Variants in ZFYVE9 observed in about 807,000 individuals in gnomAD.
ZFYVE9 encodes zinc finger FYVE-type containing 9.
ZFYVE9 carries 43 observed loss-of-function variants against 126.7 expected under a neutral mutation model. That is an observed-to-expected ratio of 0.34 (90% CI 0.27 to 0.44). The LOEUF is 0.44. Among genes scored for constraint, ZFYVE9 ranks in the 20% least tolerant of loss-of-function variants. The pLI, the probability that ZFYVE9 is intolerant of heterozygous loss-of-function variation, is 1.00. For synonymous variants in ZFYVE9, 521 were observed against 597.4 expected (o/e 0.87, Z 1.87); for missense variants, 1,476 against 1,697.0 (o/e 0.87, Z 2.29).
At chr1:52,307,241 T>C (rs1309584220) in intron 13 of ZFYVE9, among the ~76,000 whole-genome samples, 1 of 152,162 alleles carries the variant, frequency 6.6e-6, no homozygotes, top group Non-Finnish European at 1.5e-5. Context: ...TTTTTTTGTT[T>C]TGTTTTGTTT....
intron 4 of ZFYVE9, among the ~76,000 whole-genome samples, chr1:52,249,075 T>C (rs543459198): frequency 2.8e-4 from 43 of 152,314 alleles, no homozygotes; most frequent in African/African-American, 1.0e-3. Flanking sequence ...TTTGAAAGTA[T>C]GTGGCACTTT....
At chr1:52,146,864 A>G (rs1189156424) in intron 1 of ZFYVE9, among the ~76,000 whole-genome samples, 7 of 152,176 alleles carry the variant, frequency 4.6e-5, no homozygotes, top group Non-Finnish European at 1.0e-4. Context: ...AATTTATTTA[A>G]TAAAATAATT....
chr1:52,266,392 C>T lies in ZFYVE9; in HGVS notation c.2279-263C>T, dbSNP rs530269292. 2.6e-3 allele frequency among the ~76,000 whole-genome samples: 362 copies of T among 137,354 alleles called. 6 individuals carry two copies. Among genetic ancestry groups the T allele is most frequent in the South Asian group, 0.021 (92 of 4,306 alleles). The allele number at this position is 137,354 out of a possible 152,430, so 90.1% of individuals were successfully genotyped here. Reference sequence around the variant, plus strand: ...GATTAGAAGCATGAGCCACCACTCCCGGTCTAATTCTTTAAAAAAAAAAAA... The same window carrying T: ...GATTAGAAGCATGAGCCACCACTCCTGGTCTAATTCTTTAAAAAAAAAAAA... On this transcript the variant is annotated intron_variant, in intron 5 of 18. Coordinates refer to ENST00000287727, the MANE Select transcript of ZFYVE9 (RefSeq NM_004799.4).
At chr1:52,340,338 T>G (rs745557159) in intron 17 of ZFYVE9, 107 bp downstream of exon 17, 2 of 785,854 alleles carry the variant, frequency 2.5e-6, no homozygotes, top group Non-Finnish European at 4.2e-6. Flanking sequence ...AAAATATCTC[T>G]GAGAAAAATC....
intron 18 of ZFYVE9, 130 bp from the exon 19 acceptor site, chr1:52,345,930 G>A (rs890380527): frequency 7.7e-6 from 7 of 907,436 alleles, no homozygotes; most frequent in South Asian, 2.8e-5. Flanking sequence ...GGATAAATTT[G>A]TATTCACTGC....
Position 52,253,761 on chromosome 1 carries a change from T to C in ZFYVE9, c.2179-10012T>C. 3 of 1,607,970 alleles carry C rather than the reference T, an allele frequency of 1.9e-6. No individual in the cohort carries two copies. The South Asian group carries it at 3.3e-5, about 18-fold the overall frequency. ...GATTTGGAGTGGATCAGTTACGAGA[T>C]GACAATCTAGAAACTTATTGGCAAT... On this transcript the variant is annotated intron_variant, in intron 4 of 18. Transcript: ENST00000287727.
intron 13 of ZFYVE9, among the ~76,000 whole-genome samples, chr1:52,316,627 A>G (rs926243716): frequency 1.3e-5 from 2 of 152,210 alleles, no homozygotes; most frequent in African/African-American, 4.8e-5. Flanking sequence ...TTATAAAGGG[A>G]TCAATTTATC....
intron 13 of ZFYVE9, among the ~76,000 whole-genome samples, chr1:52,312,853 T>C (rs1646150844): frequency 6.6e-6 from 1 of 152,212 alleles, no homozygotes; most frequent in Non-Finnish European, 1.5e-5. Context: ...CTAAAGTTCA[T>C]ATATTGAAGT....
rs560515648 is a variant in ZFYVE9, at chr1:52,246,535, GT to G, written c.2178+6954del. The stretch of plus-strand genomic sequence containing the variant: ...TTTTTTATCCTGTTTTTTTTCCTGG[GT>G]TTTTTTTTTTTTTGAGACAAACTCT... On this transcript the variant is annotated intron_variant, in intron 4 of 18. Coordinates refer to ENST00000287727, the MANE Select transcript of ZFYVE9 (RefSeq NM_004799.4). 8.9e-3 allele frequency among the ~76,000 whole-genome samples: 1,215 copies of G among 136,532 alleles called. 13 individuals carry two copies. The highest frequency in any genetic ancestry group is 0.027 in the African/African-American group (1,018 of 37,450). 89.6% of individuals were successfully genotyped at this position (136,532 alleles called of 152,430 possible).
At chr1:52,261,390 T>C (rs1169009219) in intron 4 of ZFYVE9, among the ~76,000 whole-genome samples, 1 of 152,064 alleles carries the variant, frequency 6.6e-6, no homozygotes, top group African/African-American at 2.4e-5. Flanking sequence ...GGTGTACTCC[T>C]CTATGCCCAG....
In ZFYVE9 at chr1:52,344,780, G is replaced by T; in HGVS notation, c.3952G>T (p.Glu1318Ter). ...VIRWTEVFFL[E>*]NDDQHNCLSD... Reference sequence around the variant, plus strand: ...GTTTGGGGAACAGGTGTTTTTCCTAGAAAACGATGACCAGCACAATTGCCT... The same window carrying T: ...GTTTGGGGAACAGGTGTTTTTCCTATAAAACGATGACCAGCACAATTGCCT... Residue 1318 changes from glutamate (E) to a stop codon, truncating the protein, a stop_gained, in exon 18 of 19, where the codon GAA (glutamate) becomes TAA (stop). Transcript: ENST00000287727. LOFTEE classifies it high-confidence loss of function. 6.2e-7 allele frequency: 1 copy of T among 1,613,262 alleles called. No homozygotes were observed. Among genetic ancestry groups the T allele is most frequent in the Non-Finnish European group, 8.5e-7 (1 of 1,179,638 alleles).
chr1:52,262,562 T>A (rs1169120700), intron 4 of ZFYVE9, among the ~76,000 whole-genome samples: 1 of 152,172 alleles, frequency 6.6e-6, no homozygotes, highest in Admixed American at 6.6e-5. Context: ...TGTAAACTGA[T>A]AACAGTCATA....
At chr1:52,299,424 T>C (rs1021156906) in intron 12 of ZFYVE9, among the ~76,000 whole-genome samples, 5 of 152,222 alleles carry the variant, frequency 3.3e-5, no homozygotes, top group African/African-American at 1.2e-4. Context: ...CTAAGTGCTC[T>C]GGCTAGGACT....
Position 52,287,696 on chromosome 1 carries a change from C to CAAAA in ZFYVE9, c.3026-5741_3026-5738dup, listed in dbSNP as rs562577492. Among the ~76,000 whole-genome samples, 21 of 112,920 alleles carry CAAAA rather than the reference C, an allele frequency of 1.9e-4. No individual in the cohort carries two copies. In the East Asian group the frequency reaches 1.9e-3, roughly 10 times the overall value. 74.1% of individuals were successfully genotyped at this position (112,920 alleles called of 152,430 possible). A position where few individuals can be genotyped will look rare whatever the true frequency, so the allele number is the denominator to read the frequency against. Reference sequence around the variant, plus strand: ...CAACATAATGAGACCCTATCTGTACCAAAAAAAAAAAAAAAAAAATTAACT... The same window carrying CAAAA: ...CAACATAATGAGACCCTATCTGTACCAAAAAAAAAAAAAAAAAAAAAAATTAACT... On this transcript the variant is annotated intron_variant, in intron 10 of 18. Transcript: ENST00000287727.
intron 17 of ZFYVE9, among the ~76,000 whole-genome samples, chr1:52,340,752 T>C (rs1646427402): frequency 6.6e-6 from 1 of 151,354 alleles, no homozygotes; most frequent in African/African-American, 2.4e-5. Flanking sequence ...ATACAAAAAT[T>C]AGCCGAGGCA....
intron 18 of ZFYVE9, 166 bp from the exon 19 acceptor site, chr1:52,345,894 C>A (rs567784204): frequency 2.0e-4 from 125 of 638,188 alleles, no homozygotes; most frequent in Middle Eastern, 4.7e-4. Flanking sequence ...GAGTAAACAA[C>A]AGGATAAGTG....
At chr1:52,253,408 A>T (rs182963780) in intron 4 of ZFYVE9, among the ~76,000 whole-genome samples, 106 of 152,360 alleles carry the variant, frequency 7.0e-4, no homozygotes, top group African/African-American at 2.3e-3. Context: ...AGAAATTAAA[A>T]TTTTTAAAAT....
chr1:52,178,721 A>G (rs1185165497), intron 1 of ZFYVE9, among the ~76,000 whole-genome samples: 1 of 152,178 alleles, frequency 6.6e-6, no homozygotes, highest in African/African-American at 2.4e-5. Context: ...ATCATTGGGG[A>G]AACTATTGAA....
intron 1 of ZFYVE9, among the ~76,000 whole-genome samples, chr1:52,169,246 CA>C (rs1329733559): frequency 6.6e-6 from 1 of 151,786 alleles, no homozygotes; most frequent in Non-Finnish European, 1.5e-5. Context: ...ACAAAAAATG[CA>C]AAAAAACTAG....
Sources: allele counts gnomAD v4.1 joint callset (sites outside exome capture counted in the v4.1 genomes callset), GRCh38; gene constraint gnomAD v4.1.1; transcripts MANE v1.5; gene names NCBI Gene and HGNC (gene_info 2026-07-23, HGNC 2026-07-21).